The following ITGA8 variants were observed in gnomAD, a reference collection of about 807,000 sequenced individuals.
The protein encoded by ITGA8 is integrin subunit alpha 8.
ITGA8 carries 91 observed loss-of-function variants against 142.3 expected under a neutral mutation model. That is an observed-to-expected ratio of 0.64 (90% CI 0.54 to 0.76). The LOEUF is 0.76. Among genes scored for constraint, ITGA8 ranks in the 30% least tolerant of loss-of-function variants. The probability of loss-of-function intolerance (pLI) is 0.00; values close to 1 mark genes in which losing one functional copy is unlikely to be tolerated. For missense variants in ITGA8, 1,406 were observed against 1,327.7 expected, an observed-to-expected ratio of 1.06 and a Z score of -0.92; for synonymous variants, 505 against 485.2, an observed-to-expected ratio of 1.04 and a Z score of -0.54.
At chr10:15,676,236 T>C (rs1834628116) in intron 6 of ITGA8, among the ~76,000 whole-genome samples, 1 of 152,138 alleles carries the variant, frequency 6.6e-6, no homozygotes, top group African/African-American at 2.4e-5. Context: ...GGTCCAGATC[T>C]CAGTTCAGGG....
intron 2 of ITGA8, among the ~76,000 whole-genome samples, chr10:15,701,528 G>A (rs751089567): frequency 2.6e-4 from 40 of 152,184 alleles, no homozygotes; most frequent in Non-Finnish European, 5.3e-4. Context: ...CAGAGCAGGA[G>A]TGAGGGGATG....
rs76162479 is a variant in ITGA8, at chr10:15,611,265, G to T, written c.1553+2395C>A. Among the ~76,000 whole-genome samples, 277 of 152,228 alleles carry T rather than the reference G, an allele frequency of 1.8e-3. 1 individual carries two copies. Among genetic ancestry groups the T allele is most frequent in the African/African-American group, 6.5e-3 (270 of 41,538 alleles). ...CAGCTGTTAACTTTCTGTCTTCTGAGGCTCTGAGGCACCATTCACAAATTT... is the reference window on the plus strand; with the variant it reads ...CAGCTGTTAACTTTCTGTCTTCTGATGCTCTGAGGCACCATTCACAAATTT... On this transcript the variant is annotated intron_variant, in intron 15 of 29. Coordinates refer to ENST00000378076, the MANE Select transcript of ITGA8 (RefSeq NM_003638.3).
At chr10:15,707,804 C>T (rs1186916968) in intron 2 of ITGA8, among the ~76,000 whole-genome samples, 1 of 138,718 alleles carries the variant, frequency 7.2e-6, no homozygotes, top group Non-Finnish European at 1.5e-5. Flanking sequence ...GCCTCGGTGA[C>T]AGAGTGAGTT....
chr10:15,690,005 A>G (rs1366152344), intron 2 of ITGA8, among the ~76,000 whole-genome samples: 1 of 152,128 alleles, frequency 6.6e-6, no homozygotes, highest in African/African-American at 2.4e-5. Context: ...GCTTTGGTGC[A>G]GAGGGGCAGC....
intron 13 of ITGA8, among the ~76,000 whole-genome samples, chr10:15,641,167 C>A (rs1343333741): frequency 1.3e-5 from 2 of 152,146 alleles, no homozygotes; most frequent in Non-Finnish European, 2.9e-5. Flanking sequence ...AGTTCTCCTG[C>A]CTCAGCTGCC....
In ITGA8 at chr10:15,631,524, C is replaced by T. The variant is rs138162726; in HGVS notation, c.1399+12506G>A. Among the ~76,000 whole-genome samples, 12 of 151,914 alleles carry T rather than the reference C, an allele frequency of 7.9e-5. No individual in the cohort carries two copies. The East Asian group carries it at 2.3e-3, about 29-fold the overall frequency. ...AAGTGGGAGTTGAACAATGAGAACA[C>T]ATGGACACAGAGACAGGAACATCAC... On this transcript the variant is annotated intron_variant, in intron 13 of 29. Coordinates refer to ENST00000378076, the MANE Select transcript of ITGA8 (RefSeq NM_003638.3).
intron 25 of ITGA8, among the ~76,000 whole-genome samples, chr10:15,561,844 GA>G (rs895415498): frequency 3.9e-5 from 6 of 152,142 alleles, no homozygotes; most frequent in Non-Finnish European, 7.4e-5. Flanking sequence ...ATTTATAAAG[GA>G]AAGAGGTTTA....
At chr10:15,546,679 A>T (rs1833676718) in intron 27 of ITGA8, among the ~76,000 whole-genome samples, 3 of 136,662 alleles carry the variant, frequency 2.2e-5, no homozygotes, top group Admixed American at 2.1e-4. Context: ...CTTAGGAGAA[A>T]GGAAGGAAAG....
At chr10:15,529,604 T>C (rs940237675) in intron 28 of ITGA8, among the ~76,000 whole-genome samples, 1 of 152,184 alleles carries the variant, frequency 6.6e-6, no homozygotes, top group Admixed American at 6.5e-5. Flanking sequence ...CTACTGAATA[T>C]TTGGGGAGAA....
At position 15,575,298 on chromosome 10, in the gene ITGA8, G is replaced by A. The variant is rs1216175416; in HGVS notation, c.2478+191C>T. Among the ~76,000 whole-genome samples the A allele has an allele frequency of 3.3e-5, 5 of 152,188 alleles. No homozygotes were observed. The East Asian group carries it at 9.6e-4, about 29-fold the overall frequency. ...CCAGCTACTCAGGAAGCTGAGATGGGAGGATTGTTTGAGCCCAGAAAGTCG... is the reference window on the plus strand; with the variant it reads ...CCAGCTACTCAGGAAGCTGAGATGGAAGGATTGTTTGAGCCCAGAAAGTCG... On this transcript the variant is annotated intron_variant, in intron 24 of 29. Coordinates refer to ENST00000378076, the MANE Select transcript of ITGA8 (RefSeq NM_003638.3).
chr10:15,606,503 G>A lies in ITGA8; in HGVS notation c.1765-81C>T, dbSNP rs900582022. On this transcript the variant is annotated intron_variant, in intron 17 of 29. Coordinates refer to ENST00000378076, the MANE Select transcript of ITGA8 (RefSeq NM_003638.3). ...CAGTCTGCAAAAGTCAGGCAACACT[G>A]GAATTTACTCAATGAAAGTGAATGA... 50 of 1,332,350 alleles carry A rather than the reference G, an allele frequency of 3.8e-5. No individual in the cohort carries two copies. In the African/African-American group the frequency reaches 6.1e-4, roughly 16 times the overall value. The allele number at this position is 1,332,350 out of a possible 1,614,324, so 82.5% of individuals were successfully genotyped here. A position where few individuals can be genotyped will look rare whatever the true frequency, so the allele number is the denominator to read the frequency against.
intron 7 of ITGA8, 125 bp from the exon 8 acceptor site, chr10:15,671,772 A>G (rs1354590668): frequency 4.3e-6 from 3 of 695,866 alleles, no homozygotes; most frequent in Non-Finnish European, 7.2e-6. Context: ...AAATATTATA[A>G]AAGTTAAAGA....
chr10:15,551,623 A>G (rs914427242), intron 26 of ITGA8, among the ~76,000 whole-genome samples: 1 of 152,186 alleles, frequency 6.6e-6, no homozygotes, highest in African/African-American at 2.4e-5. Flanking sequence ...AGTGTTTTAG[A>G]TACAAATTTT....
intron 27 of ITGA8, among the ~76,000 whole-genome samples, chr10:15,543,123 C>A (rs1427684004): frequency 6.6e-6 from 1 of 152,152 alleles, no homozygotes; most frequent in Non-Finnish European, 1.5e-5. Context: ...TGAAAGGAGA[C>A]TTTAGTCAAA....
chr10:15,668,215 C>T (rs1216229045), intron 8 of ITGA8, among the ~76,000 whole-genome samples: 1 of 152,042 alleles, frequency 6.6e-6, no homozygotes, highest in Non-Finnish European at 1.5e-5. Context: ...GTATTGGGTG[C>T]ATATATATTT....
intron 2 of ITGA8, among the ~76,000 whole-genome samples, chr10:15,691,961 G>A (rs902780318): frequency 4.6e-5 from 7 of 151,944 alleles, no homozygotes; most frequent in African/African-American, 1.7e-4. Context: ...TTTTGAGACA[G>A]GGTCTCACTC....
chr10:15,611,758 C>T (rs1182986384), intron 15 of ITGA8, among the ~76,000 whole-genome samples: 2 of 150,662 alleles, frequency 1.3e-5, no homozygotes, highest in East Asian at 2.0e-4. Context: ...GGATTACAGG[C>T]GTGAGCCACC....
intron 23 of ITGA8, among the ~76,000 whole-genome samples, chr10:15,578,563 G>A (rs1834341461): frequency 1.3e-5 from 2 of 152,102 alleles, no homozygotes; most frequent in South Asian, 4.1e-4. Context: ...TACGCAATCA[G>A]GAAATTCAAA....
chr10:15,670,788 C>T (rs1232903099), intron 8 of ITGA8, among the ~76,000 whole-genome samples: 3 of 152,176 alleles, frequency 2.0e-5, no homozygotes, highest in Non-Finnish European at 4.4e-5. Context: ...AGAATTGTTT[C>T]CATGACCCGT....
Sources: gnomAD v4.1 joint callset for allele counts (sites outside exome capture counted in the v4.1 genomes callset) on GRCh38, gnomAD v4.1.1 for gene constraint, MANE v1.5 for transcripts, NCBI Gene and HGNC (gene_info 2026-07-23, HGNC 2026-07-21) for gene names.